Variants in PCDH9 observed in about 807,000 individuals in gnomAD.
The protein encoded by PCDH9 is protocadherin 9, also known as protocadherin-9.
A neutral mutation model predicts 70.6 loss-of-function variants in PCDH9; 24 were observed. The ratio of observed to expected loss-of-function variants is 0.34; its 90% confidence interval spans 0.25 to 0.48. The LOEUF (loss-of-function observed/expected upper bound fraction) is 0.48. Among genes scored for constraint, PCDH9 ranks in the 20% least tolerant of loss-of-function variants. The pLI is 0.99. For synonymous variants in PCDH9, 562 were observed against 558.5 expected, an observed-to-expected ratio of 1.01 and a Z score of -0.09; for missense variants, 1,281 against 1,503.6, an observed-to-expected ratio of 0.85 and a Z score of 2.45.
At chr13:66,994,700 A>G (rs767682809) in intron 2 of PCDH9, among the ~76,000 whole-genome samples, 2 of 152,178 alleles carry the variant, frequency 1.3e-5, no homozygotes. Context: ...TTCAAAGCAC[A>G]ATTTTGTCAT....
At chr13:66,560,530 C>T (rs909097012) in intron 4 of PCDH9, among the ~76,000 whole-genome samples, 1 of 152,214 alleles carries the variant, frequency 6.6e-6, no homozygotes, top group Non-Finnish European at 1.5e-5. Flanking sequence ...GCATTGGTCT[C>T]TTCCCTGGAA....
intron 2 of PCDH9, among the ~76,000 whole-genome samples, chr13:67,174,963 C>CAAAAAAAAA (rs376755966): frequency 7.8e-6 from 1 of 127,446 alleles, no homozygotes; most frequent in African/African-American, 3.0e-5. Flanking sequence ...TCATCTCTAC[C>CAAAAAAAAA]AAAAAAAAAA....
intron 2 of PCDH9, among the ~76,000 whole-genome samples, chr13:67,024,764 T>C (rs912089397): frequency 6.6e-6 from 1 of 152,108 alleles, no homozygotes; most frequent in South Asian, 2.1e-4. Context: ...TAATGCAGAA[T>C]AAACTTAAAA....
In PCDH9 at chr13:66,975,192, T is replaced by C. The variant is rs577161035; in HGVS notation, c.3037-71587A>G. The stretch of plus-strand genomic sequence containing the variant: ...GAAGAGACACAGATAGGCCATGTCA[T>C]AGAAAGCAGAAATCTAAATGACCTC... On this transcript the variant is annotated intron_variant, in intron 2 of 4. Transcript: ENST00000377865. Among the ~76,000 whole-genome samples, 8 of 152,100 alleles carry C rather than the reference T, an allele frequency of 5.3e-5. No homozygotes were observed. In the East Asian group the frequency reaches 1.4e-3, roughly 26 times the overall value.
At chr13:66,977,504 T>G (rs1402673467) in intron 2 of PCDH9, 1 of 152,134 alleles carries the variant, frequency 6.6e-6, no homozygotes, top group Non-Finnish European at 1.5e-5. Flanking sequence ...TCTGTTGTCT[T>G]AAAGGCTTTA....
chr13:67,189,628 A>G (rs2088856535), intron 2 of PCDH9, among the ~76,000 whole-genome samples: 1 of 152,052 alleles, frequency 6.6e-6, no homozygotes, highest in Non-Finnish European at 1.5e-5. Context: ...ATATACAATT[A>G]AAAAATAAAT....
chr13:67,019,537 A>G (rs1444180917), intron 2 of PCDH9, among the ~76,000 whole-genome samples: 2 of 152,074 alleles, frequency 1.3e-5, no homozygotes. Context: ...AAATCTACAT[A>G]TCCTACATAT....
intron 2 of PCDH9, among the ~76,000 whole-genome samples, chr13:67,084,450 A>C (rs2138192052): frequency 6.6e-6 from 1 of 152,232 alleles, no homozygotes; most frequent in East Asian, 1.9e-4. Flanking sequence ...TATGAACTGT[A>C]AGTCCCCGCT....
chr13:66,933,000 A>G (rs1392396174), intron 2 of PCDH9, among the ~76,000 whole-genome samples: 1 of 151,750 alleles, frequency 6.6e-6, no homozygotes, highest in Non-Finnish European at 1.5e-5. Context: ...TGAGAATTTT[A>G]TTCTTTCAGC....
chr13:66,690,005 A>G (rs1311722123), intron 3 of PCDH9, among the ~76,000 whole-genome samples: 1 of 152,220 alleles, frequency 6.6e-6, no homozygotes, highest in Non-Finnish European at 1.5e-5. Flanking sequence ...AAATTTGATG[A>G]GCATTATCTT....
chr13:66,992,312 A>ACTG (rs1376395254), intron 2 of PCDH9, among the ~76,000 whole-genome samples: 1 of 152,164 alleles, frequency 6.6e-6, no homozygotes, highest in East Asian at 1.9e-4. Context: ...GAGGAAAGGT[A>ACTG]CTGCCACTCT....
intron 3 of PCDH9, among the ~76,000 whole-genome samples, chr13:66,870,580 C>T (rs1169939537): frequency 6.6e-6 from 1 of 152,070 alleles, no homozygotes; most frequent in East Asian, 1.9e-4. Context: ...GGGCAAAGGA[C>T]ATGAACAGAC....
intron 2 of PCDH9, among the ~76,000 whole-genome samples, chr13:67,178,406 T>G (rs1049051945): frequency 9.2e-5 from 14 of 152,120 alleles, no homozygotes; most frequent in Admixed American, 9.2e-4. Context: ...ACAATAACTA[T>G]TTATCTAACA....
At chr13:66,580,138 T>C (rs1719065218) in intron 4 of PCDH9, among the ~76,000 whole-genome samples, 2 of 152,078 alleles carry the variant, frequency 1.3e-5, no homozygotes, top group Non-Finnish European at 2.9e-5. Context: ...TAAAAGTTAA[T>C]AAATAATTTC....
intron 2 of PCDH9, chr13:67,223,309 G>T (rs1027946012): frequency 6.6e-6 from 1 of 152,012 alleles, no homozygotes; most frequent in Non-Finnish European, 1.5e-5. Flanking sequence ...CTATATATAG[G>T]TTCAACTTTT....
At chr13:66,821,428 A>T (rs2080710102) in intron 3 of PCDH9, among the ~76,000 whole-genome samples, 1 of 152,188 alleles carries the variant, frequency 6.6e-6, no homozygotes, top group Non-Finnish European at 1.5e-5. Flanking sequence ...GGACCATTTT[A>T]TATCCCTCTG....
At chr13:66,942,421 TA>T (rs1304478719) in intron 2 of PCDH9, among the ~76,000 whole-genome samples, 1 of 151,556 alleles carries the variant, frequency 6.6e-6, no homozygotes, top group Non-Finnish European at 1.5e-5. Flanking sequence ...TGCGTGAAAG[TA>T]AAAAAACCTC....
chr13:66,355,646 T>A (rs1956370591), intron 4 of PCDH9, among the ~76,000 whole-genome samples: 1 of 152,122 alleles, frequency 6.6e-6, no homozygotes, highest in Non-Finnish European at 1.5e-5. Flanking sequence ...TGAGTTTAAT[T>A]TAATGAATTA....
At chr13:66,849,539 G>C (rs1342632028) in intron 3 of PCDH9, among the ~76,000 whole-genome samples, 2 of 149,558 alleles carry the variant, frequency 1.3e-5, no homozygotes, top group African/African-American at 4.9e-5. Context: ...GAGAGAGAGA[G>C]AGAGAGATTG....
Sources: gnomAD v4.1 joint callset for allele counts (sites outside exome capture counted in the v4.1 genomes callset) on GRCh38, gnomAD v4.1.1 for gene constraint, MANE v1.5 for transcripts, NCBI Gene and HGNC (gene_info 2026-07-23, HGNC 2026-07-21) for gene names.